The following CAMTA1 variants were observed in gnomAD, a reference collection of about 807,000 sequenced individuals.
CAMTA1 encodes the protein calmodulin-binding transcription activator 1.
A neutral mutation model predicts 170.9 loss-of-function variants in CAMTA1; 27 were observed. That is an observed-to-expected ratio of 0.16 (90% CI 0.12 to 0.22). The LOEUF is 0.22. Ranked by LOEUF, CAMTA1 falls within the 10% of genes least tolerant of loss-of-function variation. The probability of loss-of-function intolerance (pLI) is 1.00; values close to 1 mark genes in which losing one functional copy is unlikely to be tolerated. For missense variants in CAMTA1, 1,619 were observed against 2,217.2 expected (o/e 0.73, Z 5.42); for synonymous variants, 833 against 891.5 (o/e 0.93, Z 1.17).
At chr1:7,640,369 C>G (rs1326067715) in intron 6 of CAMTA1, 31 bp from the exon 7 acceptor site, 1 of 1,611,694 alleles carries the variant, frequency 6.2e-7, no homozygotes, top group Admixed American at 1.7e-5. Flanking sequence ...CCATGCCACC[C>G]TCATGCTGCC....
intron 4 of CAMTA1, among the ~76,000 whole-genome samples, chr1:7,097,669 G>T (rs1212620488): frequency 6.6e-6 from 1 of 152,210 alleles, no homozygotes; most frequent in Non-Finnish European, 1.5e-5. Context: ...AAAATTCCCA[G>T]AGCTGAAAAG....
At chr1:6,835,362 C>G (rs1350984724) in intron 3 of CAMTA1, among the ~76,000 whole-genome samples, 2 of 152,122 alleles carry the variant, frequency 1.3e-5, no homozygotes, top group East Asian at 3.9e-4. Flanking sequence ...CCCAGCTCTT[C>G]TCAGTAGTGG....
At chr1:7,110,656 A>G (rs1465011659) in intron 4 of CAMTA1, among the ~76,000 whole-genome samples, 1 of 152,204 alleles carries the variant, frequency 6.6e-6, no homozygotes, top group Non-Finnish European at 1.5e-5. Context: ...GAGTGTTCTT[A>G]GAAGCTGGGT....
chr1:7,507,283 A>C (rs974151202), intron 6 of CAMTA1, among the ~76,000 whole-genome samples: 4 of 152,094 alleles, frequency 2.6e-5, no homozygotes, highest in Non-Finnish European at 4.4e-5. Context: ...TGCCTTTTGC[A>C]CACGGCTGCA....
At chr1:7,364,422 G>A (rs889063961) in intron 5 of CAMTA1, among the ~76,000 whole-genome samples, 17 of 151,006 alleles carry the variant, frequency 1.1e-4, no homozygotes, top group African/African-American at 4.1e-4. Context: ...GGTGGAGGAG[G>A]GGGCACACAG....
chr1:7,627,240 G>T (rs2095639696), intron 6 of CAMTA1, among the ~76,000 whole-genome samples: 1 of 152,204 alleles, frequency 6.6e-6, no homozygotes, highest in Non-Finnish European at 1.5e-5. Flanking sequence ...CTCATCGTCT[G>T]TTGGAGATCA....
chr1:7,111,848 G>A (rs1215948013), intron 4 of CAMTA1, among the ~76,000 whole-genome samples: 1 of 139,190 alleles, frequency 7.2e-6, no homozygotes, highest in Non-Finnish European at 1.5e-5. Context: ...TTGCATTACT[G>A]CACTCCAGCC....
At chr1:6,913,055 G>A (rs1230747825) in intron 3 of CAMTA1, among the ~76,000 whole-genome samples, 1 of 152,214 alleles carries the variant, frequency 6.6e-6, no homozygotes, top group Non-Finnish European at 1.5e-5. Context: ...GACCTTGAGT[G>A]ATTTACATGA....
At position 7,398,181 on chromosome 1, in the gene CAMTA1, CT is replaced by C. The variant is rs2089513160; in HGVS notation, c.439-69648del. ...TCTCTCTCTCTCTCTCTCTCTCTCT[CT>C]CTCTCTCTCTCTATATATATATATA... On this transcript the variant is annotated intron_variant, in intron 5 of 22. Transcript: ENST00000303635. Among the ~76,000 whole-genome samples the C allele has an allele frequency of 2.1e-3, 94 of 45,570 alleles. 1 individual carries two copies. The highest frequency in any genetic ancestry group is 7.4e-3 in the African/African-American group (88 of 11,948). The allele number at this position is 45,570 out of a possible 152,430, so 29.9% of individuals were successfully genotyped here.
chr1:7,384,746 C>T (rs1012471878), intron 5 of CAMTA1, among the ~76,000 whole-genome samples: 1 of 152,058 alleles, frequency 6.6e-6, no homozygotes, highest in African/African-American at 2.4e-5. Flanking sequence ...ACTGGGTGTG[C>T]GTGTGGTTGC....
intron 3 of CAMTA1, among the ~76,000 whole-genome samples, chr1:6,834,887 C>CCTCA (rs563409961): frequency 2.4e-3 from 373 of 152,330 alleles, no homozygotes; most frequent in African/African-American, 8.3e-3. Context: ...AGTCTTCCTG[C>CCTCA]CTCAGCCTCC....
At chr1:7,385,672 G>C (rs889127645) in intron 5 of CAMTA1, among the ~76,000 whole-genome samples, 23 of 152,178 alleles carry the variant, frequency 1.5e-4, no homozygotes, top group African/African-American at 5.3e-4. Flanking sequence ...CCCGAGGCCT[G>C]TTGGAGACAT....
chr1:7,483,527 C>T (rs566793635), intron 6 of CAMTA1, among the ~76,000 whole-genome samples: 1 of 152,318 alleles, frequency 6.6e-6, no homozygotes, highest in East Asian at 1.9e-4. Flanking sequence ...AAGTTCCCTT[C>T]CTTTCCTGGG....
intron 4 of CAMTA1, among the ~76,000 whole-genome samples, chr1:7,150,381 T>G (rs1026899644): frequency 2.0e-5 from 3 of 152,166 alleles, no homozygotes; most frequent in Admixed American, 6.5e-5. Flanking sequence ...ACGAAACCCC[T>G]GCTTCCTCCA....
intron 3 of CAMTA1, among the ~76,000 whole-genome samples, chr1:7,019,122 C>T (rs750432106): frequency 1.5e-4 from 23 of 152,272 alleles, no homozygotes; most frequent in Non-Finnish European, 2.6e-4. Context: ...CTGGGTTCCG[C>T]GAAATGCCTC....
At chr1:6,861,743 TTTG>T (rs1451926391) in intron 3 of CAMTA1, among the ~76,000 whole-genome samples, 1 of 152,164 alleles carries the variant, frequency 6.6e-6, no homozygotes, top group African/African-American at 2.4e-5. Context: ...ATATATAAAA[TTTG>T]TTGTCTTAAC....
intron 3 of CAMTA1, among the ~76,000 whole-genome samples, chr1:6,937,533 C>A: frequency 7.9e-6 from 1 of 127,278 alleles, no homozygotes; most frequent in East Asian, 2.5e-4. Flanking sequence ...ATCACCATCA[C>A]CATTCACCAC....
intron 11 of CAMTA1, among the ~76,000 whole-genome samples, chr1:7,725,272 G>A (rs3011941): frequency 4.1e-4 from 63 of 152,312 alleles, no homozygotes; most frequent in Non-Finnish European, 7.8e-4. Flanking sequence ...AGAGAAACAC[G>A]AGAGGCGGAG....
intron 3 of CAMTA1, among the ~76,000 whole-genome samples, chr1:6,968,434 G>A (rs1045564152): frequency 6.6e-6 from 1 of 152,178 alleles, no homozygotes; most frequent in African/African-American, 2.4e-5. Flanking sequence ...CTTGTATATG[G>A]CCTCAGGAAG....
Sources: gnomAD v4.1 joint callset for allele counts (sites outside exome capture counted in the v4.1 genomes callset) on GRCh38, gnomAD v4.1.1 for gene constraint, MANE v1.5 for transcripts, NCBI Gene and HGNC (gene_info 2026-07-23, HGNC 2026-07-21) for gene names.